DACH2: variants seen among roughly 807,000 people sequenced by gnomAD.
DACH2 encodes the protein dachshund family transcription factor 2, also known as dachshund homolog 2.
DACH2 carries 17 observed loss-of-function variants against 35.8 expected under a neutral mutation model. That is an observed-to-expected ratio of 0.48 (90% CI 0.33 to 0.71). DACH2 has a LOEUF of 0.71. Ranked by LOEUF, DACH2 falls within the 30% of genes least tolerant of loss-of-function variation. The pLI is 0.02. For synonymous variants in DACH2, 195 were observed against 177.3 expected (o/e 1.10, Z -0.79); for missense variants, 469 against 472.7 (o/e 0.99, Z 0.07).
chrX:86,335,603 C>G (rs1357944628), intron 1 of DACH2, among the ~76,000 whole-genome samples: 1 of 111,750 alleles, frequency 8.9e-6, no homozygotes, highest in Non-Finnish European at 1.9e-5. Context: ...GATTTTGTAT[C>G]CTGAGACTTT....
chrX:86,162,738 A>C (rs191222364), intron 1 of DACH2, among the ~76,000 whole-genome samples: 3 of 111,732 alleles, frequency 2.7e-5, no homozygotes, highest in African/African-American at 9.7e-5. Context: ...TAATTAAAAA[A>C]TTATAAAGTG....
At chrX:86,219,728 AAAC>A (rs1463862821) in intron 1 of DACH2, among the ~76,000 whole-genome samples, 1 of 111,094 alleles carries the variant, frequency 9.0e-6, no homozygotes, top group Admixed American at 9.6e-5. Flanking sequence ...ATATGTATAT[AAAC>A]AGCTTTACTG....
At chrX:86,594,091 G>T (rs1368192563) in intron 3 of DACH2, among the ~76,000 whole-genome samples, 1 of 111,424 alleles carries the variant, frequency 9.0e-6, no homozygotes, top group African/African-American at 3.3e-5. Context: ...ACTCTTTCAA[G>T]GAATTGGTCT....
intron 3 of DACH2, among the ~76,000 whole-genome samples, chrX:86,544,733 A>G (rs2038934307): frequency 9.0e-6 from 1 of 111,616 alleles, no homozygotes; most frequent in Admixed American, 9.5e-5. Context: ...AACAACACAA[A>G]CAGGTCTGCA....
At chrX:86,364,165 G>A (rs759950980) in intron 1 of DACH2, among the ~76,000 whole-genome samples, 5 of 111,066 alleles carry the variant, frequency 4.5e-5, no homozygotes, top group Non-Finnish European at 9.4e-5. Flanking sequence ...TTTGTTTGCC[G>A]CAATTGTTAT....
intron 1 of DACH2, among the ~76,000 whole-genome samples, chrX:86,371,106 A>G (rs1476159873): frequency 4.5e-5 from 5 of 111,040 alleles, no homozygotes; most frequent in Non-Finnish European, 9.5e-5. Context: ...TGTTTGTATA[A>G]AGGATCATCT....
chrX:86,645,406 G>T (rs1291456798), intron 3 of DACH2, among the ~76,000 whole-genome samples: 2 of 111,103 alleles, frequency 1.8e-5, no homozygotes, highest in Non-Finnish European at 3.8e-5. Flanking sequence ...ATTAACATAT[G>T]CTGGCAAGGT....
At chrX:86,450,297 C>T (rs2037350275) in intron 2 of DACH2, among the ~76,000 whole-genome samples, 1 of 111,189 alleles carries the variant, frequency 9.0e-6, no homozygotes, top group East Asian at 2.8e-4. Context: ...TCATTCAGCT[C>T]CCACTTATAA....
intron 2 of DACH2, among the ~76,000 whole-genome samples, chrX:86,492,679 C>A (rs2038110519): frequency 9.0e-6 from 1 of 111,652 alleles, no homozygotes; most frequent in Non-Finnish European, 1.9e-5. Flanking sequence ...ATTTAGCTCT[C>A]ACTTATAAGT....
chrX:86,401,296 G>A (rs2148131768), intron 2 of DACH2, among the ~76,000 whole-genome samples: 1 of 112,301 alleles, frequency 8.9e-6, no homozygotes, highest in Admixed American at 9.4e-5. Context: ...CTTTGACTAG[G>A]AAAGGGAATT....
intron 2 of DACH2, among the ~76,000 whole-genome samples, chrX:86,401,484 G>A (rs1003665651): frequency 3.6e-5 from 4 of 112,071 alleles, no homozygotes; most frequent in African/African-American, 1.3e-4. Flanking sequence ...GCTGGGAGCT[G>A]TAGACTGGAG....
chrX:86,554,771 C>T (rs2090895794), intron 3 of DACH2, among the ~76,000 whole-genome samples: 1 of 111,228 alleles, frequency 9.0e-6, no homozygotes, highest in African/African-American at 3.3e-5. Flanking sequence ...TCATGCTTGC[C>T]CTGCTTATTT....
At chrX:86,251,811 A>T in intron 1 of DACH2, among the ~76,000 whole-genome samples, 1 of 111,437 alleles carries the variant, frequency 9.0e-6, no homozygotes, top group Non-Finnish European at 1.9e-5. Context: ...TGCGTGTACA[A>T]GTATCTTTTT....
intron 4 of DACH2, among the ~76,000 whole-genome samples, chrX:86,677,792 C>G (rs1274876051): frequency 8.9e-6 from 1 of 112,020 alleles, no homozygotes; most frequent in Admixed American, 9.5e-5. Context: ...GGAGCTAGGC[C>G]GAGAACACAG....
intron 2 of DACH2, among the ~76,000 whole-genome samples, chrX:86,463,875 C>T (rs1310064629): frequency 9.0e-6 from 1 of 110,951 alleles, no homozygotes; most frequent in African/African-American, 3.3e-5. Flanking sequence ...ATAAACAGAC[C>T]CTTCTCAAAA....
chrX:86,453,387 G>C (rs921830902), intron 2 of DACH2, among the ~76,000 whole-genome samples: 3 of 111,625 alleles, frequency 2.7e-5, no homozygotes, highest in African/African-American at 9.8e-5. Flanking sequence ...CTGTCTCATT[G>C]GTCTATCTTA....
rs922971504 is a variant in DACH2, at chrX:86,312,035, C to A, written c.489-64789C>A. Among the ~76,000 whole-genome samples the A allele has an allele frequency of 1.3e-4, 15 of 111,350 alleles. No individual in the cohort carries two copies. In the East Asian group the frequency reaches 1.4e-3, roughly 11 times the overall value. ...TTAGGTCACCCCACCAGGAAAAAAA[C>A]CACAACCTGCTGAGGTGCTTGCTGA... On this transcript the variant is annotated intron_variant, in intron 1 of 11. Coordinates refer to ENST00000373125, the MANE Select transcript of DACH2 (RefSeq NM_053281.3).
intron 2 of DACH2, among the ~76,000 whole-genome samples, chrX:86,396,549 T>G (rs1374699308): frequency 9.6e-6 from 1 of 104,208 alleles, no homozygotes; most frequent in Non-Finnish European, 2.0e-5. Context: ...TTAATCCATC[T>G]TGAATTAATT....
At chrX:86,327,497 A>G (rs999113068) in intron 1 of DACH2, among the ~76,000 whole-genome samples, 1 of 111,894 alleles carries the variant, frequency 8.9e-6, no homozygotes. Flanking sequence ...TGAATAAGGG[A>G]CAAAATTAAA....
Sources: gnomAD v4.1 joint callset for allele counts (sites outside exome capture counted in the v4.1 genomes callset) on GRCh38, gnomAD v4.1.1 for gene constraint, MANE v1.5 for transcripts, NCBI Gene and HGNC (gene_info 2026-07-23, HGNC 2026-07-21) for gene names.